SORCS2: variants seen among roughly 807,000 people sequenced by gnomAD.
The protein encoded by SORCS2 is VPS10 domain-containing receptor SorCS2.
A neutral mutation model predicts 141.6 loss-of-function variants in SORCS2; 100 were observed. That is an observed-to-expected ratio of 0.71 (90% CI 0.60 to 0.83). The LOEUF is 0.83. SORCS2 is among the 40% of genes least tolerant of loss of function. The pLI is 0.00. For missense variants in SORCS2, 1,646 were observed against 1,560.2 expected, an observed-to-expected ratio of 1.05 and a Z score of -0.93; for synonymous variants, 789 against 676.9, an observed-to-expected ratio of 1.17 and a Z score of -2.57.
At chr4:7,494,503 C>G (rs538719061) in intron 2 of SORCS2, among the ~76,000 whole-genome samples, 1 of 121,502 alleles carries the variant, frequency 8.2e-6, no homozygotes, top group Non-Finnish European at 1.7e-5. Flanking sequence ...CTCGCTGTGT[C>G]GTCTCATGGT....
At chr4:7,737,413 C>T (rs1712278632) in intron 26 of SORCS2, among the ~76,000 whole-genome samples, 1 of 152,050 alleles carries the variant, frequency 6.6e-6, no homozygotes, top group South Asian at 2.1e-4. Flanking sequence ...CGCTGAGGGC[C>T]CCATCCCTGG....
At chr4:7,234,036 C>T (rs939039416) in intron 1 of SORCS2, among the ~76,000 whole-genome samples, 20 of 152,064 alleles carry the variant, frequency 1.3e-4, no homozygotes, top group African/African-American at 3.1e-4. Context: ...GGTTAATGGA[C>T]CACCCACTCC....
At chr4:7,496,203 C>G (rs1001088774) in intron 2 of SORCS2, among the ~76,000 whole-genome samples, 4 of 152,186 alleles carry the variant, frequency 2.6e-5, no homozygotes, top group Non-Finnish European at 5.9e-5. Flanking sequence ...GACTCCCTGT[C>G]TATCACCCTC....
intron 2 of SORCS2, among the ~76,000 whole-genome samples, chr4:7,488,426 GC>G (rs1192230358): frequency 6.6e-6 from 1 of 152,208 alleles, no homozygotes; most frequent in Non-Finnish European, 1.5e-5. Context: ...CAGAGAAGGA[GC>G]ACTTGTCCCC....
chr4:7,605,092 T>C (rs1717977984), intron 3 of SORCS2, among the ~76,000 whole-genome samples: 1 of 152,212 alleles, frequency 6.6e-6, no homozygotes, highest in African/African-American at 2.4e-5. Flanking sequence ...TGGGACTGGT[T>C]TGATGTTCCT....
At chr4:7,579,944 A>G (rs1415355699) in intron 3 of SORCS2, among the ~76,000 whole-genome samples, 1 of 152,104 alleles carries the variant, frequency 6.6e-6, no homozygotes, top group Non-Finnish European at 1.5e-5. Context: ...TGCAGAGTGG[A>G]GTGAGTCCAG....
At chr4:7,545,489 G>A (rs1385229377) in intron 3 of SORCS2, among the ~76,000 whole-genome samples, 1 of 152,148 alleles carries the variant, frequency 6.6e-6, no homozygotes, top group Non-Finnish European at 1.5e-5. Flanking sequence ...AGAGAGACAG[G>A]GACCTGCCCA....
intron 15 of SORCS2, among the ~76,000 whole-genome samples, chr4:7,713,440 C>T (rs1284489724): frequency 1.3e-5 from 2 of 152,044 alleles, no homozygotes; most frequent in Non-Finnish European, 2.9e-5. Context: ...TTTAATGGTA[C>T]TTGTTAAAGC....
intron 3 of SORCS2, among the ~76,000 whole-genome samples, chr4:7,544,015 CCCATCCATCCAT>C (rs202042953): frequency 9.1e-6 from 1 of 109,488 alleles, no homozygotes; most frequent in African/African-American, 3.5e-5. Context: ...CATCCATCCA[CCCATCCATCCAT>C]CCAGCCACCC....
At chr4:7,616,162 T>G (rs748448995) in intron 3 of SORCS2, among the ~76,000 whole-genome samples, 34 of 152,122 alleles carry the variant, frequency 2.2e-4, no homozygotes, top group Admixed American at 1.7e-3. Flanking sequence ...GCTGGAATCA[T>G]CTCCCTGAGC....
chr4:7,219,560 G>A (rs1728571671), intron 1 of SORCS2, among the ~76,000 whole-genome samples: 1 of 152,206 alleles, frequency 6.6e-6, no homozygotes, highest in Non-Finnish European at 1.5e-5. Context: ...GGTGGAAGGG[G>A]AAGCAAGGCG....
intron 2 of SORCS2, among the ~76,000 whole-genome samples, chr4:7,435,662 C>A (rs1727250420): frequency 6.6e-6 from 1 of 152,220 alleles, no homozygotes; most frequent in African/African-American, 2.4e-5. Context: ...GTTGAAGGTA[C>A]ACACACACAA....
intron 1 of SORCS2, among the ~76,000 whole-genome samples, chr4:7,392,328 A>T (rs934353072): frequency 4.6e-5 from 7 of 151,522 alleles, no homozygotes; most frequent in Non-Finnish European, 8.8e-5. Context: ...GGAGCGGGTG[A>T]TGGGCTCTGC....
At chr4:7,539,692 G>A (rs1712420529) in intron 3 of SORCS2, among the ~76,000 whole-genome samples, 1 of 151,838 alleles carries the variant, frequency 6.6e-6, no homozygotes, top group South Asian at 2.1e-4. Context: ...CCCCGTTATG[G>A]AGGCCCCGCC....
At chr4:7,359,421 A>C (rs554085762) in intron 1 of SORCS2, among the ~76,000 whole-genome samples, 115 of 152,370 alleles carry the variant, frequency 7.5e-4, no homozygotes, top group Non-Finnish European at 8.2e-4. Flanking sequence ...GGCATGAGCC[A>C]ACGTGCCTGG....
At position 7,682,762 on chromosome 4, in the gene SORCS2, T is replaced by C; in HGVS notation, c.1361T>C (p.Val454Ala). The stretch of plus-strand genomic sequence containing the variant: ...TCCCAGGTCAGAGGGGTGAAAGGAG[T>C]CTTCCTGGCAAACCAAAAAATTGAT... ...DILEVRGVKG[V>A]FLANQKIDGK... Residue 454 changes from valine to alanine, a missense_variant, in exon 10 of 27, where the codon GTC becomes GCC. Coordinates refer to ENST00000507866, the MANE Select transcript of SORCS2 (RefSeq NM_020777.3). 1 of 1,610,936 alleles carries C rather than the reference T, an allele frequency of 6.2e-7. No individual in the cohort carries two copies. The highest frequency in any genetic ancestry group is 8.5e-7 in the Non-Finnish European group (1 of 1,178,662).
At chr4:7,597,882 G>A (rs767895031) in intron 3 of SORCS2, among the ~76,000 whole-genome samples, 40 of 151,948 alleles carry the variant, frequency 2.6e-4, no homozygotes, top group Non-Finnish European at 4.9e-4. Flanking sequence ...CTGCTCTGTG[G>A]TCAGCGGATT....
chr4:7,578,794 G>C (rs561333992), intron 3 of SORCS2, among the ~76,000 whole-genome samples: 1 of 152,282 alleles, frequency 6.6e-6, no homozygotes, highest in African/African-American at 2.4e-5. Flanking sequence ...CGGAGGATTT[G>C]ATCTTGTGGT....
At chr4:7,473,068 C>T (rs1730079529) in intron 2 of SORCS2, among the ~76,000 whole-genome samples, 1 of 151,638 alleles carries the variant, frequency 6.6e-6, no homozygotes, top group Admixed American at 6.6e-5. Context: ...ATCGGCCGAC[C>T]TTCCTTGTGG....
Sources: allele counts gnomAD v4.1 joint callset (sites outside exome capture counted in the v4.1 genomes callset), GRCh38; gene constraint gnomAD v4.1.1; transcripts MANE v1.5; gene names NCBI Gene and HGNC (gene_info 2026-07-23, HGNC 2026-07-21).